Variants in ASTN2 observed in about 807,000 individuals in gnomAD.
The protein encoded by ASTN2 is astrotactin-2.
A neutral mutation model predicts 139.8 loss-of-function variants in ASTN2; 54 were observed. The ratio of observed to expected loss-of-function variants is 0.39; its 90% CI spans 0.31 to 0.48. ASTN2 has a LOEUF of 0.48. Among genes scored for constraint, ASTN2 ranks in the 20% least tolerant of loss-of-function variants. ASTN2 has a pLI of 0.95. For missense variants in ASTN2, 1,565 were observed against 1,725.1 expected (o/e 0.91, Z 1.64); for synonymous variants, 756 against 719.5 (o/e 1.05, Z -0.81).
At chr9:117,062,603 T>G (rs1438937137) in intron 5 of ASTN2, among the ~76,000 whole-genome samples, 1 of 152,182 alleles carries the variant, frequency 6.6e-6, no homozygotes, top group Non-Finnish European at 1.5e-5. Flanking sequence ...TGATAATCCA[T>G]GCATTCAATA....
At chr9:116,503,484 T>A (rs1372216375) in intron 19 of ASTN2, among the ~76,000 whole-genome samples, 1 of 152,138 alleles carries the variant, frequency 6.6e-6, no homozygotes, top group Non-Finnish European at 1.5e-5. Flanking sequence ...CACCCTTCAA[T>A]CCACAATGAA....
chr9:117,053,849 A>G (rs954859132), intron 5 of ASTN2, among the ~76,000 whole-genome samples: 6 of 152,164 alleles, frequency 3.9e-5, no homozygotes. Context: ...AAACACACCC[A>G]TCTCCAGATC....
chr9:116,526,441 G>A (rs1256306682), intron 19 of ASTN2, among the ~76,000 whole-genome samples: 6 of 151,710 alleles, frequency 4.0e-5, no homozygotes, highest in Non-Finnish European at 7.4e-5. Flanking sequence ...GTAAAACCCC[G>A]TATCTACTAA....
At chr9:117,325,226 A>C (rs1329448741) in intron 1 of ASTN2, among the ~76,000 whole-genome samples, 1 of 152,142 alleles carries the variant, frequency 6.6e-6, no homozygotes, top group African/African-American at 2.4e-5. Flanking sequence ...CCAGTCCAAC[A>C]CAGATTCTGG....
At chr9:117,174,913 TA>T (rs1214782500) in intron 3 of ASTN2, among the ~76,000 whole-genome samples, 1 of 152,036 alleles carries the variant, frequency 6.6e-6, no homozygotes, top group Non-Finnish European at 1.5e-5. Flanking sequence ...TAAAGTAAAG[TA>T]CAAGAAAATG....
At chr9:116,480,118 A>C (rs1414301936) in intron 20 of ASTN2, among the ~76,000 whole-genome samples, 2 of 151,812 alleles carry the variant, frequency 1.3e-5, no homozygotes, top group African/African-American at 4.8e-5. Context: ...TGAAGAAAGG[A>C]AGGAAGGAAA....
chr9:117,165,300 A>G (rs1056265151), intron 3 of ASTN2, among the ~76,000 whole-genome samples: 13 of 152,092 alleles, frequency 8.5e-5, no homozygotes, highest in Non-Finnish European at 1.5e-4. Flanking sequence ...GTCTCTGCAC[A>G]GTAGGTATTG....
chr9:117,238,881 TA>T (rs1833125145), intron 2 of ASTN2, among the ~76,000 whole-genome samples: 1 of 152,056 alleles, frequency 6.6e-6, no homozygotes, highest in Non-Finnish European at 1.5e-5. Context: ...CAAGTAGAAA[TA>T]AACAAGCAAA....
intron 16 of ASTN2, among the ~76,000 whole-genome samples, chr9:116,671,971 T>A (rs772923385): frequency 1.3e-5 from 2 of 152,130 alleles, no homozygotes; most frequent in Non-Finnish European, 2.9e-5. Context: ...TCACAAAAAC[T>A]GTGAGAGGGG....
At chr9:116,713,827 A>C (rs1485009857) in intron 16 of ASTN2, among the ~76,000 whole-genome samples, 1 of 152,180 alleles carries the variant, frequency 6.6e-6, no homozygotes, top group South Asian at 2.1e-4. Flanking sequence ...GAAATTGTGC[A>C]TGTGAAATGC....
intron 5 of ASTN2, among the ~76,000 whole-genome samples, chr9:117,042,130 G>T (rs1330092277): frequency 1.3e-5 from 2 of 152,124 alleles, no homozygotes; most frequent in African/African-American, 4.8e-5. Flanking sequence ...TAACATAGAT[G>T]CTGACCAACC....
intron 1 of ASTN2, among the ~76,000 whole-genome samples, chr9:117,331,525 T>C (rs1022404662): frequency 2.0e-5 from 3 of 152,206 alleles, no homozygotes; most frequent in Non-Finnish European, 4.4e-5. Flanking sequence ...GGAAGGGCTA[T>C]GTCTGTCTTG....
intron 13 of ASTN2, among the ~76,000 whole-genome samples, chr9:116,747,112 A>G (rs1265372723): frequency 1.3e-5 from 2 of 152,212 alleles, no homozygotes; most frequent in Admixed American, 6.5e-5. Flanking sequence ...TCATTTTTAA[A>G]GCTAATATCT....
Position 116,618,323 on chromosome 9 carries a change from C to T in ASTN2, c.3355+1G>A, listed in dbSNP as rs1051641825. The T allele has an allele frequency of 2.5e-6, 4 of 1,613,294 alleles. No homozygotes were observed. Among genetic ancestry groups the T allele is most frequent in the Non-Finnish European group, 3.4e-6 (4 of 1,179,656 alleles). On this transcript the variant is annotated splice_donor_variant, in intron 19 of 22. Coordinates refer to ENST00000313400, the MANE Select transcript of ASTN2 (RefSeq NM_001365068.1). LOFTEE classifies it high-confidence loss of function. ...AAGAAAATGGGAACTCATGTACCTACCTGTGTACAGGTCAGTGTCTGTGTA... is the reference window on the plus strand; with the variant it reads ...AAGAAAATGGGAACTCATGTACCTATCTGTGTACAGGTCAGTGTCTGTGTA...
intron 17 of ASTN2, among the ~76,000 whole-genome samples, chr9:116,628,674 A>G (rs1465552415): frequency 1.3e-5 from 2 of 152,234 alleles, no homozygotes; most frequent in Non-Finnish European, 2.9e-5. Flanking sequence ...TACATTTGTA[A>G]AAACCCACAG....
At chr9:117,083,049 T>A (rs113118141) in intron 5 of ASTN2, among the ~76,000 whole-genome samples, 4,373 of 152,266 alleles carry the variant, frequency 0.029, 200 homozygotes, top group African/African-American at 0.1. Flanking sequence ...AATATATTTA[T>A]TCATGTGTCT....
At chr9:116,534,964 T>A (rs1013832675) in intron 19 of ASTN2, among the ~76,000 whole-genome samples, 6 of 152,234 alleles carry the variant, frequency 3.9e-5, no homozygotes, top group African/African-American at 7.2e-5. Context: ...AGTGGGGTGT[T>A]AAAGTCTCCC....
At chr9:116,475,778 A>G (rs1207271766) in intron 20 of ASTN2, among the ~76,000 whole-genome samples, 1 of 151,998 alleles carries the variant, frequency 6.6e-6, no homozygotes, top group Non-Finnish European at 1.5e-5. Context: ...CATTCATCCC[A>G]CCAACTCCCT....
At chr9:117,033,314 C>A (rs912241802) in intron 6 of ASTN2, among the ~76,000 whole-genome samples, 1 of 152,098 alleles carries the variant, frequency 6.6e-6, no homozygotes, top group African/African-American at 2.4e-5. Context: ...CATTACCCTG[C>A]AATGACCCCC....
Sources: gnomAD v4.1 joint callset for allele counts (sites outside exome capture counted in the v4.1 genomes callset) on GRCh38, gnomAD v4.1.1 for gene constraint, MANE v1.5 for transcripts, NCBI Gene and HGNC (gene_info 2026-07-23, HGNC 2026-07-21) for gene names.